SMPX: variants seen among roughly 807,000 people sequenced by gnomAD.
SMPX encodes the protein small muscular protein.
SMPX carries 2 observed loss-of-function variants against 6.3 expected under a neutral mutation model. The ratio of observed to expected loss-of-function variants is 0.32; its 90% confidence interval spans 0.13 to 0.99. The LOEUF (loss-of-function observed/expected upper bound fraction) is 0.99, where lower values mean the gene tolerates loss of function less well. SMPX is among the 50% of genes least tolerant of loss of function. SMPX has a pLI of 0.49. For synonymous variants in SMPX, 32 were observed against 24.7 expected, an observed-to-expected ratio of 1.30 and a Z score of -0.88; for missense variants, 60 against 66.8, an observed-to-expected ratio of 0.90 and a Z score of 0.36.
At chrX:21,720,288 A>G (rs1212959673) in intron 4 of SMPX, among the ~76,000 whole-genome samples, 4 of 112,127 alleles carry the variant, frequency 3.6e-5, no homozygotes, top group Admixed American at 9.4e-5. Flanking sequence ...AAGCAGCCCA[A>G]TGGGTGGGTC....
At chrX:21,733,691 G>A (rs1312622383) in intron 4 of SMPX, 8 of 323,530 alleles carry the variant, frequency 2.5e-5, no homozygotes, top group Non-Finnish European at 3.6e-5. Context: ...TAATTGATGC[G>A]TCATTACCAC....
chrX:21,744,717 A>G (rs1375943022), intron 2 of SMPX, among the ~76,000 whole-genome samples: 5 of 112,587 alleles, frequency 4.4e-5, no homozygotes, highest in Non-Finnish European at 7.5e-5. Context: ...AGAATACAAT[A>G]TTTTTCCATT....
At position 21,728,806 on chromosome X, in the gene SMPX, A is replaced by G. The variant is rs574024480; in HGVS notation, c.*14+8743T>C. On this transcript the variant is annotated intron_variant, in intron 4 of 4. Coordinates refer to ENST00000379494, the MANE Select transcript of SMPX (RefSeq NM_014332.3). ...AAGCTCTCTTAGCCTTCACTCTCCC[A>G]TAAACAAAATGAGCATTGTAGTAAT... Among the ~76,000 whole-genome samples the G allele has an allele frequency of 3.6e-5, 4 of 112,387 alleles. No homozygotes were observed. The South Asian group carries it at 1.1e-3, about 31-fold the overall frequency.
At chrX:21,735,203 C>T (rs950329928) in intron 4 of SMPX, among the ~76,000 whole-genome samples, 1 of 112,168 alleles carries the variant, frequency 8.9e-6, no homozygotes, top group Admixed American at 9.5e-5. Flanking sequence ...TCTGCGACCA[C>T]AGACTATGAC....
rs532854356 is a variant in SMPX at position 21,753,633 on chromosome X, T to C, written c.45+613A>G. On this transcript the variant is annotated intron_variant, in intron 2 of 4. Coordinates refer to ENST00000379494, the MANE Select transcript of SMPX (RefSeq NM_014332.3). ...CTTAAGAGAAATAACAAATTAAATA[T>C]TGAGTAAAAACAAATACTGCAAGTT... 8.0e-5 allele frequency among the ~76,000 whole-genome samples: 9 copies of C among 112,205 alleles called. No individual in the cohort carries two copies. In the South Asian group the frequency reaches 3.4e-3, roughly 42 times the overall value.
chrX:21,732,493 G>A (rs1370146357), intron 4 of SMPX, among the ~76,000 whole-genome samples: 1 of 112,016 alleles, frequency 8.9e-6, no homozygotes, highest in Non-Finnish European at 1.9e-5. Context: ...AAGATTACAA[G>A]GACTTGGAAT....
intron 3 of SMPX, 53 bp from the exon 4 acceptor site, chrX:21,737,750 T>A: frequency 8.6e-7 from 1 of 1,159,791 alleles, no homozygotes; most frequent in East Asian, 3.0e-5. Context: ...TTTGATCTCT[T>A]TGGGCCATAA....
chrX:21,738,945 T>C (rs996241905), intron 3 of SMPX, among the ~76,000 whole-genome samples: 3 of 111,570 alleles, frequency 2.7e-5, no homozygotes, highest in African/African-American at 9.8e-5. Context: ...TTTGGGTCAG[T>C]TTCCTGAAGG....
At chrX:21,730,677 G>T (rs946194153) in intron 4 of SMPX, among the ~76,000 whole-genome samples, 1 of 112,045 alleles carries the variant, frequency 8.9e-6, no homozygotes, top group Non-Finnish European at 1.9e-5. Context: ...CAACTTGGTT[G>T]TATTGCATCC....
At chrX:21,712,952 T>C (rs1446391725) in intron 4 of SMPX, among the ~76,000 whole-genome samples, 1 of 111,989 alleles carries the variant, frequency 8.9e-6, no homozygotes, top group Non-Finnish European at 1.9e-5. Context: ...AACTAATTTT[T>C]TTGGCATTTA....
At chrX:21,707,205 G>A (rs2092773927) in intron 4 of SMPX, among the ~76,000 whole-genome samples, 1 of 108,298 alleles carries the variant, frequency 9.2e-6, no homozygotes, top group Non-Finnish European at 1.9e-5. Context: ...ATTTGTCTAT[G>A]ACTGTCTTAT....
intron 4 of SMPX, among the ~76,000 whole-genome samples, chrX:21,719,370 T>C (rs1433573889): frequency 1.8e-5 from 2 of 110,010 alleles, no homozygotes; most frequent in Non-Finnish European, 3.8e-5. Context: ...AATAAAAAAT[T>C]AGCCGGATGT....
intron 4 of SMPX, among the ~76,000 whole-genome samples, chrX:21,710,558 A>T (rs769836982): frequency 6.2e-5 from 7 of 112,068 alleles, no homozygotes; most frequent in South Asian, 3.8e-4. Context: ...TGAAAATAAA[A>T]TTTTTTTTAA....
intron 4 of SMPX, among the ~76,000 whole-genome samples, chrX:21,718,918 T>G (rs913240410): frequency 2.7e-5 from 3 of 112,653 alleles, no homozygotes; most frequent in South Asian, 3.7e-4. Context: ...TGCTTTCTTT[T>G]TGTTTCATTT....
At position 21,737,743 on chromosome X, in the gene SMPX, G is replaced by T. The variant is rs751520941; in HGVS notation, c.133-46C>A. ...ATCCAACTCACCAAAAATCACATTT[G>T]ATCTCTTTGGGCCATAAGCATGAAC... On this transcript the variant is annotated intron_variant, in intron 3 of 4. Transcript: ENST00000379494. The T allele has an allele frequency of 3.4e-6, 4 of 1,168,524 alleles. No individual in the cohort carries two copies. The Admixed American group carries it at 6.6e-5, about 19-fold the overall frequency.
chrX:21,718,842 G>A (rs1234924169), intron 4 of SMPX, among the ~76,000 whole-genome samples: 1 of 112,171 alleles, frequency 8.9e-6, no homozygotes, highest in African/African-American at 3.2e-5. Flanking sequence ...TAGTTAAGCT[G>A]AGCAGACATG....
intron 4 of SMPX, among the ~76,000 whole-genome samples, chrX:21,720,334 A>G (rs765834708): frequency 8.9e-5 from 10 of 112,149 alleles, no homozygotes; most frequent in East Asian, 8.5e-4. Context: ...TCCTGATAGC[A>G]GTCATCACCA....
chrX:21,750,669 C>G (rs988883637), intron 2 of SMPX, among the ~76,000 whole-genome samples: 8 of 112,021 alleles, frequency 7.1e-5, no homozygotes, highest in African/African-American at 2.6e-4. Context: ...ACTAATACAA[C>G]TAAAGAGAAG....
chrX:21,733,829 G>A (rs61689816), intron 4 of SMPX: 5 of 310,685 alleles, frequency 1.6e-5, no homozygotes, highest in African/African-American at 5.4e-5. Flanking sequence ...AGTTTAAGAC[G>A]TAGTGCCTAG....
Sources: allele counts gnomAD v4.1 joint callset (sites outside exome capture counted in the v4.1 genomes callset), GRCh38; gene constraint gnomAD v4.1.1; transcripts MANE v1.5; gene names NCBI Gene and HGNC (gene_info 2026-07-23, HGNC 2026-07-21).